Variants in MBNL2 observed in about 807,000 individuals in gnomAD.
MBNL2 encodes muscleblind-like protein 2.
Under a neutral mutation model 41.9 loss-of-function variants are expected in MBNL2, and 17 were observed. The ratio of observed to expected loss-of-function variants is 0.41; its 90% CI spans 0.28 to 0.61. The LOEUF (loss-of-function observed/expected upper bound fraction) is 0.61. Ranked by LOEUF, MBNL2 falls within the 20% of genes least tolerant of loss-of-function variation. The probability of loss-of-function intolerance (pLI) is 0.35; values close to 1 mark genes in which losing one functional copy is unlikely to be tolerated. For synonymous variants in MBNL2, 195 were observed against 182.9 expected (o/e 1.07, Z -0.53); for missense variants, 336 against 505.6 (o/e 0.66, Z 3.22).
At chr13:97,344,030 T>G (rs1321162003) in intron 4 of MBNL2, among the ~76,000 whole-genome samples, 1 of 152,206 alleles carries the variant, frequency 6.6e-6, no homozygotes, top group African/African-American at 2.4e-5. Context: ...GGTCTCGAAC[T>G]CCCAACCTCA....
chr13:97,262,944 T>A (rs2048925995), intron 1 of MBNL2, among the ~76,000 whole-genome samples: 3 of 152,224 alleles, frequency 2.0e-5, no homozygotes, highest in African/African-American at 7.2e-5. Flanking sequence ...TTGCTTCTTT[T>A]AAAATTTATT....
At chr13:97,357,690 T>C in intron 7 of MBNL2, 55 bp downstream of exon 7, 1 of 1,555,514 alleles carries the variant, frequency 6.4e-7, no homozygotes, top group Admixed American at 1.7e-5. Flanking sequence ...TGCTTTCTTC[T>C]CATTTCTCTA....
the MBNL2 span, among the ~76,000 whole-genome samples, chr13:97,179,808 CA>C: frequency 6.2e-4 from 95 of 152,124 alleles, no homozygotes; most frequent in Admixed American, 1.1e-3. Flanking sequence ...GTCAAGGGGA[CA>C]GAAGAAGAAG....
chr13:97,145,830 G>A, the MBNL2 span, among the ~76,000 whole-genome samples: 1 of 152,128 alleles, frequency 6.6e-6, no homozygotes, highest in Non-Finnish European at 1.5e-5. Context: ...CTCAGGGGCT[G>A]CTCCCTGAAA....
At chr13:97,144,573 G>A in the MBNL2 span, among the ~76,000 whole-genome samples, 1 of 151,932 alleles carries the variant, frequency 6.6e-6, no homozygotes, top group Non-Finnish European at 1.5e-5. Context: ...GGGATTACAG[G>A]CATGTGCCAC....
At chr13:97,262,762 T>G (rs780577334) in intron 1 of MBNL2, among the ~76,000 whole-genome samples, 1 of 151,894 alleles carries the variant, frequency 6.6e-6, no homozygotes, top group Non-Finnish European at 1.5e-5. Context: ...TCCCTCGCTT[T>G]TTTTTTTAAT....
chr13:97,220,800 T>C (rs1162649466), upstream of MBNL2, among the ~76,000 whole-genome samples: 2 of 152,106 alleles, frequency 1.3e-5, no homozygotes, highest in Non-Finnish European at 2.9e-5. Flanking sequence ...AACTGAAGTT[T>C]CAGGAATGGG....
intron 1 of MBNL2, among the ~76,000 whole-genome samples, chr13:97,261,557 C>G (rs1461542209): frequency 6.6e-6 from 1 of 152,172 alleles, no homozygotes; most frequent in East Asian, 1.9e-4. Context: ...GACAGCATAA[C>G]CATTCATCTC....
intron 1 of MBNL2, among the ~76,000 whole-genome samples, chr13:97,227,053 CAAAAAAAAAATCA>C (rs2041731503): frequency 1.1e-5 from 1 of 88,314 alleles, no homozygotes; most frequent in Admixed American, 1.3e-4. Context: ...AAAAAAAAAA[CAAAAAAAAAATCA>C]AAAAAAAAAA....
At chr13:97,173,714 C>T in the MBNL2 span, among the ~76,000 whole-genome samples, 10 of 152,200 alleles carry the variant, frequency 6.6e-5, no homozygotes, top group African/African-American at 2.4e-4. Flanking sequence ...ACTTCCTCCT[C>T]TTGCCTCTTT....
chr13:97,160,878 CA>C, the MBNL2 span, among the ~76,000 whole-genome samples: 1 of 152,008 alleles, frequency 6.6e-6, no homozygotes, highest in Non-Finnish European at 1.5e-5. Context: ...ATAGTTTGGG[CA>C]AAAGTGGAAA....
At chr13:97,153,686 C>G in the MBNL2 span, among the ~76,000 whole-genome samples, 1 of 152,134 alleles carries the variant, frequency 6.6e-6, no homozygotes, top group Admixed American at 6.6e-5. Context: ...ATGATTGGAT[C>G]AAAGCATAAT....
chr13:97,227,316 T>C (rs1285009961), intron 1 of MBNL2, among the ~76,000 whole-genome samples: 1 of 152,112 alleles, frequency 6.6e-6, no homozygotes, highest in Non-Finnish European at 1.5e-5. Flanking sequence ...AGCTGGTTGC[T>C]GTAGAAGAGC....
upstream of MBNL2, among the ~76,000 whole-genome samples, chr13:97,217,024 T>C (rs2040429310): frequency 6.8e-6 from 1 of 147,988 alleles, no homozygotes; most frequent in African/African-American, 2.5e-5. Flanking sequence ...AGAATATACA[T>C]ATAACATAAT....
the MBNL2 span, among the ~76,000 whole-genome samples, chr13:97,211,643 C>T: frequency 6.6e-6 from 1 of 152,118 alleles, no homozygotes; most frequent in Non-Finnish European, 1.5e-5. Flanking sequence ...AATGCTGTTG[C>T]TAAGGTGAGC....
the MBNL2 span, among the ~76,000 whole-genome samples, chr13:97,151,406 A>C: frequency 6.6e-6 from 1 of 152,278 alleles, no homozygotes; most frequent in East Asian, 1.9e-4. Flanking sequence ...AGGTTAAAAA[A>C]AAGAGGGGTT....
At chr13:97,362,736 T>G (rs2063514243) in intron 7 of MBNL2, among the ~76,000 whole-genome samples, 1 of 152,030 alleles carries the variant, frequency 6.6e-6, no homozygotes, top group African/African-American at 2.4e-5. Flanking sequence ...GAGAATGAAC[T>G]AAGGAGGGAC....
chr13:97,260,181 A>G (rs1274023190), intron 1 of MBNL2, among the ~76,000 whole-genome samples: 1 of 152,232 alleles, frequency 6.6e-6, no homozygotes, highest in East Asian at 1.9e-4. Flanking sequence ...AAGCTATGTG[A>G]CTATCTGGGA....
intron 2 of MBNL2, among the ~76,000 whole-genome samples, chr13:97,306,759 T>C (rs528693880): frequency 6.6e-6 from 1 of 152,268 alleles, no homozygotes; most frequent in South Asian, 2.1e-4. Context: ...ATGAGCTCAT[T>C]TTTCATGTGG....
Sources: gnomAD v4.1 joint callset for allele counts (sites outside exome capture counted in the v4.1 genomes callset) on GRCh38, gnomAD v4.1.1 for gene constraint, MANE v1.5 for transcripts, NCBI Gene and HGNC (gene_info 2026-07-23, HGNC 2026-07-21) for gene names.